The following OPA3 variants were observed in gnomAD, a reference collection of about 807,000 sequenced individuals.
OPA3 encodes outer mitochondrial membrane lipid metabolism regulator OPA3, also known as optic atrophy 3 protein.
OPA3 carries 6 observed loss-of-function variants against 4.0 expected under a neutral mutation model. That is an observed-to-expected ratio of 1.51 (90% CI 0.83 to 2.99). The LOEUF (loss-of-function observed/expected upper bound fraction) is 2.99, where lower values mean the gene tolerates loss of function less well. Ranked by LOEUF, OPA3 falls within the 30% of genes most tolerant of loss-of-function variation. The probability of loss-of-function intolerance (pLI) is 0.00; values close to 1 mark genes in which losing one functional copy is unlikely to be tolerated. For synonymous variants in OPA3, 105 were observed against 117.1 expected (o/e 0.90, Z 0.67); for missense variants, 235 against 256.2 (o/e 0.92, Z 0.56).
At chr19:45,554,895 A>G (rs1969397785) in intron 1 of OPA3, among the ~76,000 whole-genome samples, 1 of 152,152 alleles carries the variant, frequency 6.6e-6, no homozygotes, top group South Asian at 2.1e-4. Context: ...GGTTCAAGCA[A>G]TTCCCCTGCC....
intron 1 of OPA3, among the ~76,000 whole-genome samples, chr19:45,565,601 A>AC (rs1969571123): frequency 6.6e-6 from 1 of 152,040 alleles, no homozygotes; most frequent in South Asian, 2.1e-4. Flanking sequence ...TTGCACTCCA[A>AC]CCCGGGCGAC....
chr19:45,566,021 A>G (rs957976732), intron 1 of OPA3, among the ~76,000 whole-genome samples: 1 of 152,258 alleles, frequency 6.6e-6, no homozygotes, highest in Non-Finnish European at 1.5e-5. Context: ...TATGTCACTG[A>G]TGACCACAGA....
chr19:45,529,438 A>G (rs1460594346), exon 2 of OPA3: 20 of 1,614,210 alleles, frequency 1.2e-5, no homozygotes, highest in Non-Finnish European at 1.7e-5. Context: ...TTTGGTCCGC[A>G]TCTCCAGCCA....
chr19:45,533,635 G>A (rs1022583475), intron 1 of OPA3, among the ~76,000 whole-genome samples: 25 of 152,184 alleles, frequency 1.6e-4, no homozygotes, highest in African/African-American at 3.1e-4. Flanking sequence ...CAGTAAGTCC[G>A]TACTCCAGGG....
At chr19:45,574,603 T>C (rs1969740562) in intron 1 of OPA3, among the ~76,000 whole-genome samples, 1 of 152,072 alleles carries the variant, frequency 6.6e-6, no homozygotes, top group Admixed American at 6.6e-5. Flanking sequence ...AGCTGCCTGC[T>C]CAAAGTCACA....
chr19:45,570,464 C>A (rs1488142224), intron 1 of OPA3, among the ~76,000 whole-genome samples: 1 of 152,140 alleles, frequency 6.6e-6, no homozygotes, highest in Non-Finnish European at 1.5e-5. Context: ...GGGCAGATCA[C>A]CTGAGGTCAG....
chr19:45,531,456 T>G, intron 1 of OPA3, among the ~76,000 whole-genome samples: 1 of 152,190 alleles, frequency 6.6e-6, no homozygotes, highest in East Asian at 1.9e-4. Flanking sequence ...TTCTGTTTAT[T>G]AAATAAACAG....
downstream of OPA3, among the ~76,000 whole-genome samples, chr19:45,545,802 T>C (rs1256382197): frequency 6.7e-6 from 1 of 149,744 alleles, no homozygotes; most frequent in Non-Finnish European, 1.5e-5. Context: ...AACCTCCGTC[T>C]CCTGGGTTCA....
At chr19:45,533,596 G>A (rs982903988) in intron 1 of OPA3, among the ~76,000 whole-genome samples, 6 of 152,170 alleles carry the variant, frequency 3.9e-5, no homozygotes, top group African/African-American at 7.2e-5. Context: ...AACATCAGCC[G>A]GATCCTAATC....
Position 45,553,737 on chromosome 19 carries a change from G to A in OPA3, c.317C>T (p.Ala106Val), listed in dbSNP as rs764633370. 5 of 1,611,160 alleles carry A rather than the reference G, an allele frequency of 3.1e-6. No individual in the cohort carries two copies. Among genetic ancestry groups the A allele is most frequent in the East Asian group, 4.5e-5 (2 of 44,860 alleles). Reference protein sequence around the residue: ...CLVLEYWRHQAQQRHKEEEQR... With the variant: ...CLVLEYWRHQVQQRHKEEEQR... ...CTCCTCCTCCTTGTGGCGCTGCTGC[G>A]CCTGGTGGCGCCAGTACTCCAGCAC... is the stretch of plus-strand genomic sequence containing the variant. Residue 106 changes from alanine to valine, a missense_variant, in exon 2 of 2, where the codon GCG becomes GTG. By Grantham distance (64) the Ala-to-Val change is moderately conservative. Transcript: ENST00000263275.
chr19:45,544,169 AGCCCAT>A (rs930112638), downstream of OPA3, among the ~76,000 whole-genome samples: 19 of 152,324 alleles, frequency 1.2e-4, no homozygotes, highest in Admixed American at 2.6e-4. Context: ...TTGGGATCTG[AGCCCAT>A]GCCCTTCCCA....
chr19:45,537,396 C>CAAAAAAAAAAAA (rs1181396046), intron 1 of OPA3, among the ~76,000 whole-genome samples: 16 of 28,912 alleles, frequency 5.5e-4, no homozygotes, highest in East Asian at 1.6e-3. Context: ...GACTCTGTCT[C>CAAAAAAAAAAAA]AAAAAAAAAA....
intron 1 of OPA3, among the ~76,000 whole-genome samples, chr19:45,564,985 G>A (rs983476908): frequency 2.6e-5 from 4 of 151,464 alleles, no homozygotes; most frequent in African/African-American, 7.3e-5. Flanking sequence ...CCAGCACTTC[G>A]GGAGACCGAG....
rs983820628 is a variant in OPA3, at chr19:45,547,553, A to G, written c.*5961T>C. The G allele has an allele frequency of 2.0e-5, 3 of 152,478 alleles. No homozygotes were observed. Among genetic ancestry groups the G allele is most frequent in the Non-Finnish European group, 4.4e-5 (3 of 68,150 alleles). The allele number at this position is 152,478 out of a possible 1,614,324, so 9.4% of individuals were successfully genotyped here. ...CACATCTGTCCTAGGACTTTCACAG[A>G]TACTCACAGCCCTCTTCCTATCTCC... is the stretch of plus-strand genomic sequence containing the variant. On this transcript the variant is annotated 3_prime_UTR_variant, in exon 2 of 2. Coordinates refer to ENST00000263275, the MANE Select transcript of OPA3 (RefSeq NM_025136.4).
rs1224705232 is a variant in OPA3 at position 45,548,444 on chromosome 19, T to C, written c.*5070A>G. The C allele has an allele frequency of 3.0e-6, 3 of 985,376 alleles. No homozygotes were observed. Among genetic ancestry groups the C allele is most frequent in the Middle Eastern group, 5.2e-4 (1 of 1,936 alleles). The allele number at this position is 985,376 out of a possible 1,614,324, so 61.0% of individuals were successfully genotyped here. A position where few individuals can be genotyped will look rare whatever the true frequency, so the allele number is the denominator to read the frequency against. ...GCTGGGATGAATGGGTTTATAGTCC[T>C]GAGTCACTCCAGAGGGAGGATTCCG... On this transcript the variant is annotated 3_prime_UTR_variant, in exon 2 of 2. Coordinates refer to ENST00000263275, the MANE Select transcript of OPA3 (RefSeq NM_025136.4).
At chr19:45,574,175 C>T (rs1192503817) in intron 1 of OPA3, among the ~76,000 whole-genome samples, 2 of 149,274 alleles carry the variant, frequency 1.3e-5, no homozygotes, top group African/African-American at 2.5e-5. Flanking sequence ...GGGCGGATCA[C>T]GAGGTCAGGA....
intron 1 of OPA3, 135 bp downstream of exon 1, chr19:45,584,488 A>T: frequency 2.6e-5 from 40 of 1,561,142 alleles, no homozygotes; most frequent in South Asian, 1.1e-4. Flanking sequence ...TCTATCAGAA[A>T]CCCCCCACTA....
intron 1 of OPA3, among the ~76,000 whole-genome samples, chr19:45,566,412 A>T (rs374737987): frequency 6.7e-6 from 1 of 150,140 alleles, no homozygotes; most frequent in East Asian, 2.0e-4. Context: ...TGGAGTCCCA[A>T]TGAGCTGGGA....
Position 45,553,906 on chromosome 19 carries a change from G to T in OPA3, c.148C>A (p.His50Asn). Reference sequence around the variant, plus strand: ...ATCTTGGTCCGCATCTCCACCCAGTGATACACTGCGGGGGAAGAGAGGGGT... The same window carrying T: ...ATCTTGGTCCGCATCTCCACCCAGTTATACACTGCGGGGGAAGAGAGGGGT... ...YICLPPAQLY[H>N]WVEMRTKMRI... The change falls in exon 2 of 2, where the codon CAC (histidine) becomes AAC (asparagine). Residue 50 changes from histidine to asparagine, a missense_variant. Coordinates refer to ENST00000263275, the MANE Select transcript of OPA3 (RefSeq NM_025136.4). 1 of 1,606,026 alleles carries T rather than the reference G, an allele frequency of 6.2e-7. No homozygotes were observed.
Sources: gnomAD v4.1 joint callset for allele counts (sites outside exome capture counted in the v4.1 genomes callset) on GRCh38, gnomAD v4.1.1 for gene constraint, MANE v1.5 for transcripts, NCBI Gene and HGNC (gene_info 2026-07-23, HGNC 2026-07-21) for gene names.